The following SLC35F3 variants were observed in gnomAD, a reference collection of about 807,000 sequenced individuals.
SLC35F3 encodes the protein putative thiamine transporter SLC35F3.
A neutral mutation model predicts 49.9 loss-of-function variants in SLC35F3; 25 were observed. The ratio of observed to expected loss-of-function variants is 0.50; its 90% CI spans 0.37 to 0.70. The LOEUF (loss-of-function observed/expected upper bound fraction) is 0.70, where lower values mean the gene tolerates loss of function less well. SLC35F3 is among the 30% of genes least tolerant of loss of function. The probability of loss-of-function intolerance (pLI) is 0.00; values close to 1 mark genes in which losing one functional copy is unlikely to be tolerated. For synonymous variants in SLC35F3, 275 were observed against 265.4 expected, an observed-to-expected ratio of 1.04 and a Z score of -0.35; for missense variants, 525 against 639.8, an observed-to-expected ratio of 0.82 and a Z score of 1.94.
At chr1:233,962,028 G>GTTCA (rs71574890) in intron 2 of SLC35F3, among the ~76,000 whole-genome samples, 124,145 of 151,166 alleles carry the variant, frequency 0.82, 51,066 homozygotes, top group East Asian at 0.87. Context: ...TCATTCATTT[G>GTTCA]TTCATTCATT....
intron 2 of SLC35F3, among the ~76,000 whole-genome samples, chr1:234,032,113 C>T (rs1370946805): frequency 2.6e-5 from 4 of 152,064 alleles, no homozygotes; most frequent in Non-Finnish European, 4.4e-5. Context: ...GTTCTGCTCT[C>T]GGCATTCTCT....
chr1:234,186,050 A>G (rs768917710), intron 2 of SLC35F3, among the ~76,000 whole-genome samples: 5 of 152,178 alleles, frequency 3.3e-5, no homozygotes, highest in Non-Finnish European at 4.4e-5. Flanking sequence ...GGAGGTCCCC[A>G]CTAACAGAGA....
chr1:233,920,173 C>T (rs1412169473), intron 2 of SLC35F3, among the ~76,000 whole-genome samples: 1 of 152,018 alleles, frequency 6.6e-6, no homozygotes, highest in Non-Finnish European at 1.5e-5. Context: ...CGGGGTTACC[C>T]TTATTAAAAA....
chr1:234,008,012 A>T (rs1663657686), intron 2 of SLC35F3, among the ~76,000 whole-genome samples: 1 of 152,346 alleles, frequency 6.6e-6, no homozygotes, highest in East Asian at 1.9e-4. Flanking sequence ...ATTAAAAATG[A>T]TTAAGATTTA....
In SLC35F3 at chr1:234,323,470, A is replaced by C. The variant is rs1657681711; in HGVS notation, c.*227A>C. On this transcript the variant is annotated 3_prime_UTR_variant, in exon 8 of 8. Coordinates refer to ENST00000366618, the MANE Select transcript of SLC35F3 (RefSeq NM_173508.4). This position sits in a 1 kb window ranked among gnomAD's most constrained non-coding sequence, Gnocchi z 4.5. ...AAGAAGAACCTCTCAGTGCTTTTCC[A>C]ACGAATGTAAAGTGGGTTTAAAAGT... 3.6e-6 allele frequency: 2 copies of C among 556,368 alleles called. No homozygotes were observed. Among genetic ancestry groups the C allele is most frequent in the Non-Finnish European group, 6.4e-6 (2 of 312,472 alleles). 34.5% of individuals were successfully genotyped at this position (556,368 alleles called of 1,614,324 possible).
At chr1:233,990,962 G>A (rs1405161839) in intron 2 of SLC35F3, among the ~76,000 whole-genome samples, 1 of 152,154 alleles carries the variant, frequency 6.6e-6, no homozygotes, top group Non-Finnish European at 1.5e-5. Context: ...TGTAATAGAA[G>A]GGAACATCTG....
intron 2 of SLC35F3, among the ~76,000 whole-genome samples, chr1:234,215,568 G>A (rs1211342742): frequency 6.6e-6 from 1 of 152,206 alleles, no homozygotes; most frequent in Non-Finnish European, 1.5e-5. Context: ...ATGAGCATCA[G>A]CGGTGAATGA....
chr1:234,067,325 A>G (rs1029630335), intron 2 of SLC35F3, among the ~76,000 whole-genome samples: 1 of 152,218 alleles, frequency 6.6e-6, no homozygotes, highest in Non-Finnish European at 1.5e-5. Context: ...TCTATTGACA[A>G]TTCTAACTTA....
intron 2 of SLC35F3, among the ~76,000 whole-genome samples, chr1:234,069,741 C>T (rs1166113115): frequency 2.2e-4 from 33 of 152,220 alleles, no homozygotes; most frequent in Admixed American, 1.5e-3. Flanking sequence ...GCTACCACCC[C>T]GGCACTCTTA....
At position 234,181,556 on chromosome 1, in the gene SLC35F3, T is replaced by C. The variant is rs544765472; in HGVS notation, c.284-49861T>C. On this transcript the variant is annotated intron_variant, in intron 2 of 7. Transcript: ENST00000366618. Reference sequence around the variant, plus strand: ...AATTAGTTGACAGGTCTCTAAAATATCTTTTAATCTATAGGTGCCTCCTCC... The same window carrying C: ...AATTAGTTGACAGGTCTCTAAAATACCTTTTAATCTATAGGTGCCTCCTCC... 4.0e-4 allele frequency among the ~76,000 whole-genome samples: 61 copies of C among 152,308 alleles called. No homozygotes were observed. In the South Asian group the frequency reaches 9.3e-3, roughly 23 times the overall value.
intron 2 of SLC35F3, among the ~76,000 whole-genome samples, chr1:233,982,869 T>A (rs1189182310): frequency 6.6e-6 from 1 of 152,208 alleles, no homozygotes; most frequent in Non-Finnish European, 1.5e-5. Flanking sequence ...TAAAGGATTC[T>A]GAGGGAGAAC....
Position 234,295,770 on chromosome 1 carries a change from G to C in SLC35F3, c.609-13331G>C, listed in dbSNP as rs1668583543. Among the ~76,000 whole-genome samples, 3 of 152,176 alleles carry C rather than the reference G, an allele frequency of 2.0e-5. 1 individual carries two copies. The highest frequency in any genetic ancestry group is 2.0e-4 in the Admixed American group (3 of 15,286). On this transcript the variant is annotated intron_variant, in intron 3 of 7. Coordinates refer to ENST00000366618, the MANE Select transcript of SLC35F3 (RefSeq NM_173508.4). The stretch of plus-strand genomic sequence containing the variant: ...TAAATAACCACCCCTGAGGAAGAAA[G>C]CCAGGCCAGCCAGCAGATGAACACA...
At chr1:234,135,226 G>A (rs1336722026) in intron 2 of SLC35F3, among the ~76,000 whole-genome samples, 1 of 152,160 alleles carries the variant, frequency 6.6e-6, no homozygotes, top group Non-Finnish European at 1.5e-5. Flanking sequence ...ATGAAAGAGT[G>A]AATGATTAGT....
At chr1:234,170,547 G>A (rs1205675697) in intron 2 of SLC35F3, among the ~76,000 whole-genome samples, 4 of 151,764 alleles carry the variant, frequency 2.6e-5, no homozygotes, top group East Asian at 1.9e-4. Context: ...AGACAACCCC[G>A]AGTAAGACCC....
intron 3 of SLC35F3, among the ~76,000 whole-genome samples, chr1:234,306,711 C>T (rs663668): frequency 0.074 from 11,291 of 152,180 alleles, 1,325 homozygotes; most frequent in African/African-American, 0.26. Context: ...ACTCTCTCCC[C>T]ATTTCCAGCA....
intron 2 of SLC35F3, among the ~76,000 whole-genome samples, chr1:234,030,015 C>T (rs1056310856): frequency 2.6e-5 from 4 of 152,152 alleles, no homozygotes; most frequent in African/African-American, 9.7e-5. Context: ...TAATAATATT[C>T]AAATAATGTT....
chr1:234,111,282 T>C (rs1215790700), intron 2 of SLC35F3, among the ~76,000 whole-genome samples: 1 of 152,134 alleles, frequency 6.6e-6, no homozygotes, highest in Non-Finnish European at 1.5e-5. Flanking sequence ...AAAAGGCCCC[T>C]GTATTTTTTG....
Position 234,100,432 on chromosome 1 carries a change from T to A in SLC35F3, c.284-130985T>A, listed in dbSNP as rs530338530. Among the ~76,000 whole-genome samples, 358 of 152,360 alleles carry A rather than the reference T, an allele frequency of 2.3e-3. 2 individuals are homozygous for A. The highest frequency in any genetic ancestry group is 4.1e-3 in the Non-Finnish European group (277 of 68,038). ...CTCATGTGGTATTTTTGAGTGAAAC[T>A]CGCTAAAAAGGCAGAGAGGTAGCCA... is the stretch of plus-strand genomic sequence containing the variant. On this transcript the variant is annotated intron_variant, in intron 2 of 7. Transcript: ENST00000366618.
intron 2 of SLC35F3, among the ~76,000 whole-genome samples, chr1:234,050,710 C>G (rs1664363951): frequency 6.6e-6 from 1 of 152,162 alleles, no homozygotes; most frequent in Non-Finnish European, 1.5e-5. Context: ...GAAATCCTTG[C>G]CCATGCCTAT....
Sources: allele counts gnomAD v4.1 joint callset (sites outside exome capture counted in the v4.1 genomes callset), GRCh38; gene constraint gnomAD v4.1.1; non-coding constraint Gnocchi (gnomAD v3.1); transcripts MANE v1.5; gene names NCBI Gene and HGNC (gene_info 2026-07-23, HGNC 2026-07-21).